USP53: variants seen among roughly 807,000 people sequenced by gnomAD.
USP53 encodes the protein ubiquitin specific peptidase 53.
Under a neutral mutation model 94.9 loss-of-function variants are expected in USP53, and 71 were observed. The observed-to-expected ratio is 0.75, with a 90% CI of 0.62 to 0.91. The LOEUF is 0.91. Ranked by LOEUF, USP53 falls within the 40% of genes least tolerant of loss-of-function variation. USP53 has a pLI of 0.00. For synonymous variants in USP53, 375 were observed against 422.7 expected, an observed-to-expected ratio of 0.89 and a Z score of 1.39; for missense variants, 1,173 against 1,281.0, an observed-to-expected ratio of 0.92 and a Z score of 1.29.
chr4:119,260,494 T>G lies in USP53; in HGVS notation c.676-13T>G. Reference sequence around the variant, plus strand: ...TGTTTTCATAATTTTAAAACTTTTATGTTTTTCTGTAGAGTAACTGTGGCC... The same window carrying G: ...TGTTTTCATAATTTTAAAACTTTTAGGTTTTTCTGTAGAGTAACTGTGGCC... On this transcript the variant is annotated splice_polypyrimidine_tract_variant and intron_variant, in intron 10 of 18. Coordinates refer to ENST00000692078, the MANE Select transcript of USP53 (RefSeq NM_001371395.1). The G allele has an allele frequency of 6.2e-7, 1 of 1,611,126 alleles. No homozygotes were observed. The highest frequency in any genetic ancestry group is 1.1e-5 in the South Asian group (1 of 90,692).
At chr4:119,250,334 G>C (rs920301418) in intron 7 of USP53, among the ~76,000 whole-genome samples, 1 of 152,024 alleles carries the variant, frequency 6.6e-6, no homozygotes, top group African/African-American at 2.4e-5. Flanking sequence ...TCCATTCTCT[G>C]TAGAATTTAC....
rs557392118 is a variant in USP53, at chr4:119,252,305, A to G, written c.372+3423A>G. ...ATTGATTGGAATAGTTTCAGAAGGA[A>G]TGGTACCAGCTCCTCTTTGTACCTC... On this transcript the variant is annotated intron_variant, in intron 7 of 18. Coordinates refer to ENST00000692078, the MANE Select transcript of USP53 (RefSeq NM_001371395.1). Among the ~76,000 whole-genome samples, 33 of 152,322 alleles carry G rather than the reference A, an allele frequency of 2.2e-4. No homozygotes were observed. The South Asian group carries it at 6.4e-3, about 30-fold the overall frequency.
At chr4:119,224,782 T>C (rs1745021128) in intron 3 of USP53, among the ~76,000 whole-genome samples, 1 of 152,082 alleles carries the variant, frequency 6.6e-6, no homozygotes, top group African/African-American at 2.4e-5. Flanking sequence ...CAGAATAAAA[T>C]TGAAAACAGT....
chr4:119,278,191 A>T lies in USP53; in HGVS notation c.2251+4483A>T, dbSNP rs1349931194. ...TCGTTAGTTGATGCAGTTTCTTCCTAGTCTCGATGGTCTTTACATTTTGGC... is the reference window on the plus strand; with the variant it reads ...TCGTTAGTTGATGCAGTTTCTTCCTTGTCTCGATGGTCTTTACATTTTGGC... On this transcript the variant is annotated intron_variant, in intron 17 of 18. Coordinates refer to ENST00000692078, the MANE Select transcript of USP53 (RefSeq NM_001371395.1). Among the ~76,000 whole-genome samples, 1,178 of 144,796 alleles carry T rather than the reference A, an allele frequency of 8.1e-3. 11 individuals carry two copies. Among genetic ancestry groups the T allele is most frequent in the African/African-American group, 0.029 (1,125 of 39,170 alleles). The allele number at this position is 144,796 out of a possible 152,430, so 95.0% of individuals were successfully genotyped here.
intron 3 of USP53, among the ~76,000 whole-genome samples, chr4:119,230,416 C>T (rs751233992): frequency 2.6e-5 from 4 of 152,146 alleles, no homozygotes; most frequent in African/African-American, 4.8e-5. Flanking sequence ...GCCAGGGCTT[C>T]GGGAGATCTG....
chr4:119,241,604 T>C (rs1747550971), intron 5 of USP53, among the ~76,000 whole-genome samples: 2 of 152,226 alleles, frequency 1.3e-5, no homozygotes, highest in Non-Finnish European at 2.9e-5. Flanking sequence ...TGTTTCTCTG[T>C]ATGTAATTTG....
chr4:119,291,222 C>A lies in USP53; in HGVS notation c.2309C>A (p.Pro770Gln). The change falls in exon 18 of 19, where the codon CCA (proline) becomes CAA (glutamine). Residue 770 changes from proline (P) to glutamine (Q), a missense_variant. By Grantham distance (76) the Pro-to-Gln change is moderately conservative. Transcript: ENST00000692078. ...EAGYKSHEFH[P>Q]ESHLQIKNHL... ...GGCTATAAATCTCATGAATTCCACC[C>A]AGAATCACATTTACAAATAAAAAAT... is the stretch of plus-strand genomic sequence containing the variant. The A allele has an allele frequency of 6.2e-7, 1 of 1,600,212 alleles. No individual in the cohort carries two copies.
At chr4:119,244,381 C>T (rs1747941994) in intron 5 of USP53, among the ~76,000 whole-genome samples, 1 of 151,576 alleles carries the variant, frequency 6.6e-6, no homozygotes, top group Non-Finnish European at 1.5e-5. Flanking sequence ...TTTTTATTAA[C>T]TTTTTGTTTT....
chr4:119,292,990 A>G lies in USP53; in HGVS notation c.3001A>G (p.Ser1001Gly), dbSNP rs1382712306. Residue 1001 changes from serine (S) to glycine (G), a missense_variant, in exon 19 of 19, where the codon AGC (serine) becomes GGC (glycine). Ser to Gly is a moderately conservative substitution (Grantham distance 56, BLOSUM62 0). Transcript: ENST00000692078. ...TGGCAACACACCAAACTGTCCATCC[A>G]GCTCCTCAACTAACGATTTTCAGGC... Reference protein sequence around the residue: ...CFGNTPNCPSSSSTNDFQANS... With the variant: ...CFGNTPNCPSGSSTNDFQANS... 1.2e-6 allele frequency: 2 copies of G among 1,614,058 alleles called. No homozygotes were observed. The highest frequency in any genetic ancestry group is 2.7e-5 in the African/African-American group (2 of 74,942).
chr4:119,256,437 A>G lies in USP53; in HGVS notation c.487-4A>G, dbSNP rs756443133. On this transcript the variant is annotated splice_region_variant and splice_polypyrimidine_tract_variant and intron_variant, in intron 8 of 18. Transcript: ENST00000692078. ...AGATTAAACATATGTTTTTACCTAT[A>G]TAGTGTGTGTGTCGTAGCTGTGGAG... The G allele has an allele frequency of 3.1e-6, 5 of 1,613,914 alleles. No individual in the cohort carries two copies. Among genetic ancestry groups the G allele is most frequent in the South Asian group, 1.1e-5 (1 of 91,084 alleles).
intron 3 of USP53, among the ~76,000 whole-genome samples, chr4:119,232,429 T>C (rs1746190114): frequency 1.3e-5 from 2 of 152,194 alleles, no homozygotes; most frequent in Admixed American, 6.5e-5. Context: ...CTTTGCTTAG[T>C]TTTTTAAATG....
chr4:119,253,286 C>T (rs1446033658), intron 7 of USP53, among the ~76,000 whole-genome samples: 1 of 152,016 alleles, frequency 6.6e-6, no homozygotes, highest in Non-Finnish European at 1.5e-5. Flanking sequence ...AATTTTCTGT[C>T]TTGTTGATCT....
intron 17 of USP53, among the ~76,000 whole-genome samples, chr4:119,288,740 C>T (rs151271412): frequency 0.012 from 1,781 of 152,038 alleles, 30 homozygotes; most frequent in African/African-American, 0.038. Flanking sequence ...AGTTCGAGAC[C>T]AGCCTGACCA....
In USP53 at chr4:119,248,897, T is replaced by C; in HGVS notation, c.372+15T>C. The stretch of plus-strand genomic sequence containing the variant: ...CGGAGTGCTTTGTAAGTGTTTCTGA[T>C]ATTCCTTAAGAAGTCAGGATAGTAG... On this transcript the variant is annotated intron_variant, in intron 7 of 18. Transcript: ENST00000692078. 6.2e-7 allele frequency: 1 copy of C among 1,613,090 alleles called. No individual in the cohort carries two copies. Among genetic ancestry groups the C allele is most frequent in the Non-Finnish European group, 8.5e-7 (1 of 1,179,348 alleles).
In USP53 at chr4:119,212,916, C is replaced by T. The variant is rs1743050259; in HGVS notation, c.-942+43C>T. ...GCCCTCTGGTTGGAGATCCAGAGAC[C>T]TGCGACCCCCGCGGGCCTGACCGGG... On this transcript the variant is annotated intron_variant, in intron 1 of 18. Transcript: ENST00000692078. 2.3e-5 allele frequency: 4 copies of T among 177,474 alleles called. No individual in the cohort carries two copies. In the South Asian group the frequency reaches 4.5e-4, roughly 20 times the overall value. 11.0% of individuals were successfully genotyped at this position (177,474 alleles called of 1,614,324 possible). A position where few individuals can be genotyped will look rare whatever the true frequency, so the allele number is the denominator to read the frequency against.
chr4:119,255,235 C>T (rs1471640023), intron 7 of USP53, among the ~76,000 whole-genome samples: 3 of 152,160 alleles, frequency 2.0e-5, no homozygotes, highest in Non-Finnish European at 2.9e-5. Flanking sequence ...AAACGCCATG[C>T]TAGGAGAACC....
At chr4:119,282,103 CATG>C (rs958221953) in intron 17 of USP53, among the ~76,000 whole-genome samples, 31 of 152,226 alleles carry the variant, frequency 2.0e-4, no homozygotes, top group African/African-American at 7.2e-4. Flanking sequence ...TTTCACTTAG[CATG>C]ATGACTTCAG....
intron 17 of USP53, among the ~76,000 whole-genome samples, chr4:119,285,351 T>C (rs550505106): frequency 1.6e-4 from 24 of 152,030 alleles, no homozygotes; most frequent in Non-Finnish European, 2.8e-4. Context: ...AGGATATTTA[T>C]AGATCATATG....
chr4:119,243,933 TCCTTACAACAG>T (rs2149336823), intron 5 of USP53, among the ~76,000 whole-genome samples: 2 of 152,338 alleles, frequency 1.3e-5, no homozygotes, highest in East Asian at 3.9e-4. Context: ...CCTAATTTAA[TCCTTACAACAG>T]CCCTAAGAGG....
Sources: gnomAD v4.1 joint callset for allele counts (sites outside exome capture counted in the v4.1 genomes callset) on GRCh38, gnomAD v4.1.1 for gene constraint, MANE v1.5 for transcripts, NCBI Gene and HGNC (gene_info 2026-07-23, HGNC 2026-07-21) for gene names.